The following MAP2K5 variants were observed in gnomAD, a reference collection of about 807,000 sequenced individuals.
MAP2K5 encodes mitogen-activated protein kinase kinase 5.
In MAP2K5, 49 loss-of-function variants were observed where a neutral mutation model predicts 83.1. The ratio of observed to expected loss-of-function variants is 0.59; its 90% CI spans 0.47 to 0.75. MAP2K5 has a LOEUF of 0.75. Ranked by LOEUF, MAP2K5 falls within the 30% of genes least tolerant of loss-of-function variation. The pLI, the probability that MAP2K5 is intolerant of heterozygous loss-of-function variation, is 0.00. For missense variants in MAP2K5, 457 were observed against 557.5 expected (o/e 0.82, Z 1.82); for synonymous variants, 202 against 191.8 (o/e 1.05, Z -0.44).
At chr15:67,632,622 A>G (rs2086500680) in intron 9 of MAP2K5, among the ~76,000 whole-genome samples, 1 of 152,150 alleles carries the variant, frequency 6.6e-6, no homozygotes, top group Admixed American at 6.6e-5. Flanking sequence ...CATCCCTCTG[A>G]TCTTCATCTA....
intron 8 of MAP2K5, among the ~76,000 whole-genome samples, chr15:67,617,758 C>T (rs909167087): frequency 1.3e-4 from 20 of 152,194 alleles, no homozygotes; most frequent in Non-Finnish European, 2.9e-5. Context: ...GTGATACGAT[C>T]ATGGCTTACT....
intron 8 of MAP2K5, among the ~76,000 whole-genome samples, chr15:67,612,598 T>A (rs2085952911): frequency 6.6e-6 from 1 of 152,164 alleles, no homozygotes; most frequent in African/African-American, 2.4e-5. Context: ...GTTCAGTTTT[T>A]ACGTTAAAGG....
rs2084323705 is a variant in MAP2K5 at position 67,542,971 on chromosome 15, A to G, written c.-365A>G. 2.4e-5 allele frequency: 6 copies of G among 249,446 alleles called. No homozygotes were observed. The South Asian group carries it at 3.3e-4, about 14-fold the overall frequency. The allele number at this position is 249,446 out of a possible 1,614,324, so 15.5% of individuals were successfully genotyped here. On this transcript the variant is annotated 5_prime_UTR_variant, in exon 1 of 22. Coordinates refer to ENST00000178640, the MANE Select transcript of MAP2K5 (RefSeq NM_145160.3). ...ACGAGCGGTGGACACCTGCCGCTGT[A>G]TCTCCCCCAAACCGAGTCCTTGCCC...
intron 3 of MAP2K5, among the ~76,000 whole-genome samples, chr15:67,567,285 T>C (rs985865917): frequency 1.3e-5 from 2 of 152,190 alleles, no homozygotes; most frequent in African/African-American, 4.8e-5. Context: ...GTTATGTTGT[T>C]AGAATATTCC....
intron 12 of MAP2K5, chr15:67,658,842 C>T (rs1273021271): frequency 1.7e-6 from 1 of 585,390 alleles, no homozygotes; most frequent in African/African-American, 1.8e-5. Context: ...CATGTGTTTG[C>T]AGGGACCTTG....
Position 67,630,868 on chromosome 15 carries a change from GT to G in MAP2K5, c.546-11del, listed in dbSNP as rs569654041. ...TTGTTTAGTGATCCCAAATGATTTTGTTTTTTTTTCTTCCCATAGAGCATAT... is the reference window on the plus strand; with the variant it reads ...TTGTTTAGTGATCCCAAATGATTTTGTTTTTTTTCTTCCCATAGAGCATAT... On this transcript the variant is annotated intron_variant, in intron 8 of 21. Coordinates refer to ENST00000178640, the MANE Select transcript of MAP2K5 (RefSeq NM_145160.3). 2.5e-5 allele frequency: 39 copies of G among 1,561,020 alleles called. No homozygotes were observed. Among genetic ancestry groups the G allele is most frequent in the Middle Eastern group, 1.7e-4 (1 of 5,910 alleles).
At chr15:67,771,959 CCTCCATCCCATGTGTGAGTG>C (rs2141303967) in intron 20 of MAP2K5, among the ~76,000 whole-genome samples, 1 of 152,364 alleles carries the variant, frequency 6.6e-6, no homozygotes, top group Non-Finnish European at 1.5e-5. Context: ...CCCACAGTCA[CCTCCATCCCATGTGTGAGTG>C]CTTCATCACA....
At chr15:67,671,851 C>T (rs2087547968) in intron 13 of MAP2K5, among the ~76,000 whole-genome samples, 1 of 135,748 alleles carries the variant, frequency 7.4e-6, no homozygotes, top group Non-Finnish European at 1.5e-5. Context: ...TGTGATGTTC[C>T]CCTTCCTGTG....
chr15:67,566,504 C>T (rs2071036148), intron 3 of MAP2K5, among the ~76,000 whole-genome samples: 1 of 152,122 alleles, frequency 6.6e-6, no homozygotes, highest in Non-Finnish European at 1.5e-5. Flanking sequence ...ATATAGAATT[C>T]AGTACACCTG....
Position 67,562,107 on chromosome 15 carries a change from G to T in MAP2K5, c.185-1176G>T, listed in dbSNP as rs1182299353. Among the ~76,000 whole-genome samples, 2 of 152,196 alleles carry T rather than the reference G, an allele frequency of 1.3e-5. No individual in the cohort carries two copies. Among genetic ancestry groups the T allele is most frequent in the African/African-American group, 4.8e-5 (2 of 41,444 alleles). On this transcript the variant is annotated intron_variant, in intron 2 of 21. Coordinates refer to ENST00000178640, the MANE Select transcript of MAP2K5 (RefSeq NM_145160.3). The surrounding 1 kb of genome is among the most constrained non-coding windows in gnomAD (Gnocchi z 4.1). ...AATTCCGATTGTTAACACCAGAACT[G>T]AGGCATCCTGCTGAGAGCCTGCCCC...
At chr15:67,624,304 A>C (rs1165727696) in intron 8 of MAP2K5, among the ~76,000 whole-genome samples, 2 of 132,520 alleles carry the variant, frequency 1.5e-5, no homozygotes, top group Non-Finnish European at 3.1e-5. Flanking sequence ...GCGCTGCTGC[A>C]CTCCAGCCTG....
intron 19 of MAP2K5, among the ~76,000 whole-genome samples, chr15:67,763,078 T>A (rs191531239): frequency 8.5e-5 from 13 of 152,292 alleles, no homozygotes; most frequent in African/African-American, 3.1e-4. Flanking sequence ...TGGAGTAGGA[T>A]GAGTAAAAGG....
Position 67,635,610 on chromosome 15 carries a change from G to A in MAP2K5, c.585+4683G>A, listed in dbSNP as rs1475367977. 2.0e-5 allele frequency among the ~76,000 whole-genome samples: 3 copies of A among 152,018 alleles called. No homozygotes were observed. In the East Asian group the frequency reaches 5.8e-4, roughly 29 times the overall value. On this transcript the variant is annotated intron_variant, in intron 9 of 21. Transcript: ENST00000178640. ...TTCCATCTAGTAGTATTTTCCTTCT[G>A]TCTGAATGACTTCTTCCTTTACATT...
intron 13 of MAP2K5, among the ~76,000 whole-genome samples, chr15:67,672,120 CAT>C (rs1456152216): frequency 1.3e-5 from 2 of 151,840 alleles, no homozygotes; most frequent in African/African-American, 2.4e-5. Context: ...CTGCAATAAA[CAT>C]ATGTGTGCAT....
chr15:67,554,846 T>C (rs1435608923), intron 2 of MAP2K5, among the ~76,000 whole-genome samples: 1 of 152,222 alleles, frequency 6.6e-6, no homozygotes, highest in Non-Finnish European at 1.5e-5. Flanking sequence ...ATAAAATGTA[T>C]ATGGTCTAAA....
chr15:67,742,610 A>G (rs1003853991), intron 17 of MAP2K5, among the ~76,000 whole-genome samples: 1 of 152,240 alleles, frequency 6.6e-6, no homozygotes, highest in Non-Finnish European at 1.5e-5. Flanking sequence ...AGAAAGGAGA[A>G]AAGACTGATA....
chr15:67,635,141 G>A (rs181630809), intron 9 of MAP2K5, among the ~76,000 whole-genome samples: 2 of 150,222 alleles, frequency 1.3e-5, no homozygotes, highest in Non-Finnish European at 3.0e-5. Flanking sequence ...CATCATATGC[G>A]ATAAACCCCA....
At chr15:67,806,598 G>A (rs28730810) in intron 21 of MAP2K5, 48 bp from the exon 22 acceptor site, 28,339 of 1,491,282 alleles carry the variant, frequency 0.019, 424 homozygotes, top group African/African-American at 0.068. Context: ...TACAATGAGC[G>A]CGGGAGTCCG....
chr15:67,580,638 A>T (rs1260229356), intron 3 of MAP2K5, 116 bp from the exon 4 acceptor site: 4 of 703,326 alleles, frequency 5.7e-6, no homozygotes, highest in Non-Finnish European at 1.0e-5. Context: ...AGTATTCTCA[A>T]GGCTGATATG....
Sources: allele counts gnomAD v4.1 joint callset (sites outside exome capture counted in the v4.1 genomes callset), GRCh38; gene constraint gnomAD v4.1.1; non-coding constraint Gnocchi (gnomAD v3.1); transcripts MANE v1.5; gene names NCBI Gene and HGNC (gene_info 2026-07-23, HGNC 2026-07-21).